CDC25A: variants seen among roughly 807,000 people sequenced by gnomAD.
The protein encoded by CDC25A is M-phase inducer phosphatase 1.
In CDC25A, 17 loss-of-function variants were observed where a neutral mutation model predicts 64.6. The ratio of observed to expected loss-of-function variants is 0.26; its 90% CI spans 0.18 to 0.39. CDC25A has a LOEUF of 0.39. CDC25A is among the 10% of genes least tolerant of loss of function. CDC25A has a pLI of 1.00. For synonymous variants in CDC25A, 229 were observed against 238.6 expected (o/e 0.96, Z 0.37); for missense variants, 473 against 654.8 (o/e 0.72, Z 3.03).
rs745809375 is a variant in CDC25A at position 48,187,808 on chromosome 3, ACGG to A, written c.137_139del (p.Thr46_Val47delinsIle). 265 of 1,548,390 alleles carry A rather than the reference ACGG, an allele frequency of 1.7e-4. 1 individual carries two copies. Among genetic ancestry groups the A allele is most frequent in the East Asian group, 3.5e-4 (14 of 40,408 alleles). Reference sequence around the variant, plus strand: ...CAGACCCTGCAGCTGGTCCATAGTGACGGTCAGGTTGGTGACAGGCGACAGTCC... The same window carrying A: ...CAGACCCTGCAGCTGGTCCATAGTGATCAGGTTGGTGACAGGCGACAGTCC... On this transcript the variant is annotated inframe_deletion, in exon 1 of 15. Transcript: ENST00000302506.
intron 4 of CDC25A, 27 bp from the exon 5 acceptor site, chr3:48,183,057 T>G: frequency 6.8e-7 from 1 of 1,479,274 alleles, no homozygotes; most frequent in Non-Finnish European, 9.4e-7. Flanking sequence ...GGAAAATAAT[T>G]AAGGCACACA....
At chr3:48,186,667 T>G in intron 2 of CDC25A, 36 bp downstream of exon 2, 1 of 1,347,458 alleles carries the variant, frequency 7.4e-7, no homozygotes, top group Non-Finnish European at 1.1e-6. Flanking sequence ...TTCAGGAAAT[T>G]CAGAGTATTG....
At chr3:48,170,158 AG>A (rs1335055624) in intron 9 of CDC25A, among the ~76,000 whole-genome samples, 1 of 152,140 alleles carries the variant, frequency 6.6e-6, no homozygotes, top group Admixed American at 6.5e-5. Context: ...CCCAGATATG[AG>A]GGGATTTCTC....
chr3:48,166,708 A>G (rs557426574), intron 10 of CDC25A, among the ~76,000 whole-genome samples: 84 of 152,338 alleles, frequency 5.5e-4, no homozygotes, highest in African/African-American at 1.9e-3. Context: ...CCCCATGCAT[A>G]GGCCCATTAA....
At chr3:48,178,762 T>C (rs973666413) in intron 6 of CDC25A, among the ~76,000 whole-genome samples, 2 of 152,230 alleles carry the variant, frequency 1.3e-5, no homozygotes, top group African/African-American at 4.8e-5. Context: ...AGCCAACCTA[T>C]AGTCATACTT....
chr3:48,179,407 T>C (rs1344137050), intron 6 of CDC25A, among the ~76,000 whole-genome samples: 9 of 152,188 alleles, frequency 5.9e-5, no homozygotes, highest in Admixed American at 1.3e-4. Context: ...CAGGGATTCA[T>C]TGTCCAGGCT....
At chr3:48,160,567 C>G (rs1331173578) in intron 13 of CDC25A, among the ~76,000 whole-genome samples, 1 of 151,886 alleles carries the variant, frequency 6.6e-6, no homozygotes, top group African/African-American at 2.4e-5. Flanking sequence ...TCCGCCACCA[C>G]GCCTGGCTAA....
Position 48,187,959 on chromosome 3 carries a change from G to A in CDC25A, c.-12C>T. The A allele has an allele frequency of 1.4e-6, 2 of 1,465,060 alleles. No individual in the cohort carries two copies. Among genetic ancestry groups the A allele is most frequent in the South Asian group, 1.4e-5 (1 of 73,942 alleles). 90.8% of individuals were successfully genotyped at this position (1,465,060 alleles called of 1,614,324 possible). The stretch of plus-strand genomic sequence containing the variant: ...GGGCCCAGTTCCATGGCGGCGCCCG[G>A]CCTCGCAGAGCTCCCGCTCCCTCTT... On this transcript the variant is annotated 5_prime_UTR_variant, in exon 1 of 15. Transcript: ENST00000302506.
intron 8 of CDC25A, among the ~76,000 whole-genome samples, chr3:48,176,638 A>AAAAACAAAAC (rs201491367): frequency 6.7e-6 from 1 of 150,150 alleles, no homozygotes; most frequent in Non-Finnish European, 1.5e-5. Context: ...ATTTTCAATG[A>AAAAACAAAAC]AAAACAAAAC....
Position 48,158,965 on chromosome 3 carries a change from T to C in CDC25A, c.1555A>G (p.Ser519Gly). The C allele has an allele frequency of 6.2e-7, 1 of 1,614,178 alleles. No individual in the cohort carries two copies. Among genetic ancestry groups the C allele is most frequent in the Non-Finnish European group, 8.5e-7 (1 of 1,180,016 alleles). ...AGEKSKREMY[S>G]RLKKL ...CGCCCTCAGAGCTTCTTCAGACGAC[T>C]GTACATCTCCCTCTTGCTCTTCTCC... is the stretch of plus-strand genomic sequence containing the variant. Residue 519 changes from serine (S) to glycine (G), a missense_variant, in exon 15 of 15, where the codon AGT becomes GGT. By Grantham distance (56) the Ser-to-Gly change is moderately conservative. Transcript: ENST00000302506.
chr3:48,162,074 A>ACC (rs368041920), intron 13 of CDC25A, among the ~76,000 whole-genome samples: 171 of 152,256 alleles, frequency 1.1e-3, no homozygotes, highest in African/African-American at 4.0e-3. Flanking sequence ...CAAACAAACA[A>ACC]AAAAACTGCT....
At chr3:48,180,664 G>A in intron 6 of CDC25A, 57 bp downstream of exon 6, 1 of 1,581,414 alleles carries the variant, frequency 6.3e-7, no homozygotes, top group Non-Finnish European at 8.6e-7. Flanking sequence ...GATGAAAGAA[G>A]GTGTTTTAAT....
At chr3:48,183,302 C>T (rs1447821028) in intron 4 of CDC25A, among the ~76,000 whole-genome samples, 11 of 152,108 alleles carry the variant, frequency 7.2e-5, no homozygotes, top group Non-Finnish European at 1.5e-5. Context: ...AATCAATCCC[C>T]AAATAACATT....
rs113638203 is a variant in CDC25A at position 48,167,442 on chromosome 3, C to T, written c.1029+404G>A. On this transcript the variant is annotated intron_variant, in intron 10 of 14. Coordinates refer to ENST00000302506, the MANE Select transcript of CDC25A (RefSeq NM_001789.3). ...CCCTCAATGGCCAAGCTTCTCTGAA[C>T]GGAGAAATTCAGTCTCAATCCCAGA... 2.2e-3 allele frequency among the ~76,000 whole-genome samples: 333 copies of T among 152,244 alleles called. 3 individuals carry two copies. The highest frequency in any genetic ancestry group is 6.8e-3 in the African/African-American group (284 of 41,558).
Position 48,164,153 on chromosome 3 carries a change from C to T in CDC25A, c.1322+154G>A, listed in dbSNP as rs867289282. Among the ~76,000 whole-genome samples the T allele has an allele frequency of 3.3e-4, 50 of 152,290 alleles. 1 individual carries two copies. The highest frequency in any genetic ancestry group is 3.4e-3 in the Middle Eastern group (1 of 294). On this transcript the variant is annotated intron_variant, in intron 13 of 14. Coordinates refer to ENST00000302506, the MANE Select transcript of CDC25A (RefSeq NM_001789.3). ...GGGAGACTGGAAGAGCCAAAGTTCA[C>T]CTCAGGATAAAATTACATATGAAAA...
chr3:48,175,621 C>T (rs1246900010), intron 8 of CDC25A, among the ~76,000 whole-genome samples: 1 of 152,112 alleles, frequency 6.6e-6, no homozygotes, highest in Non-Finnish European at 1.5e-5. Flanking sequence ...ATTACAGCTC[C>T]CAGCAATGGT....
intron 4 of CDC25A, 30 bp downstream of exon 4, chr3:48,183,770 T>C (rs1387084204): frequency 6.9e-7 from 1 of 1,444,614 alleles, no homozygotes; most frequent in South Asian, 1.2e-5. Flanking sequence ...TAACAGGTAT[T>C]AGCTCAAAAT....
intron 2 of CDC25A, among the ~76,000 whole-genome samples, chr3:48,185,425 A>G (rs1462343286): frequency 6.7e-6 from 1 of 149,526 alleles, no homozygotes; most frequent in Admixed American, 6.7e-5. Flanking sequence ...CCTGTCTCAA[A>G]AAAAAAAAAA....
Position 48,186,711 on chromosome 3 carries a change from G to T in CDC25A, c.239C>A (p.Thr80Lys). Residue 80 changes from threonine (T) to lysine (K), a missense_variant, in exon 2 of 15, where the codon ACA (threonine) becomes AAA (lysine). This residue lies in a region of CDC25A where 376 missense variants were observed against 431.9 expected (regional missense o/e 0.87). Coordinates refer to ENST00000302506, the MANE Select transcript of CDC25A (RefSeq NM_001789.3). Reference sequence around the variant, plus strand: ...ACAGCAGACTTAAATACCTGAATCTGTTGACTCGGAGGAGCCCATTCTCTG... The same window carrying T: ...ACAGCAGACTTAAATACCTGAATCTTTTGACTCGGAGGAGCCCATTCTCTG... ...NLQRMGSSES[T>K]DSGFCLDSPG... 1 of 1,593,650 alleles carries T rather than the reference G, an allele frequency of 6.3e-7. No individual in the cohort carries two copies. Among genetic ancestry groups the T allele is most frequent in the Non-Finnish European group, 8.6e-7 (1 of 1,165,052 alleles).
Sources: gnomAD v4.1 joint callset for allele counts (sites outside exome capture counted in the v4.1 genomes callset) on GRCh38, gnomAD v4.1.1 for gene constraint, gnomAD v4.1.1 regional missense constraint, MANE v1.5 for transcripts, NCBI Gene and HGNC (gene_info 2026-07-23, HGNC 2026-07-21) for gene names.